Variants in CALCOCO1 observed in about 807,000 individuals in gnomAD.
The protein encoded by CALCOCO1 is calcium-binding and coiled-coil domain-containing protein 1.
A neutral mutation model predicts 86.3 loss-of-function variants in CALCOCO1; 44 were observed. That is an observed-to-expected ratio of 0.51 (90% confidence interval 0.40 to 0.66). CALCOCO1 has a LOEUF of 0.66. CALCOCO1 is among the 30% of genes least tolerant of loss of function. The probability of loss-of-function intolerance (pLI) is 0.00; values close to 1 mark genes in which losing one functional copy is unlikely to be tolerated. For missense variants in CALCOCO1, 708 were observed against 851.1 expected (o/e 0.83, Z 2.09); for synonymous variants, 297 against 327.6 (o/e 0.91, Z 1.01).
intron 14 of CALCOCO1, 106 bp from the exon 15 acceptor site, chr12:53,712,227 C>T: frequency 1.0e-6 from 1 of 991,186 alleles, no homozygotes; most frequent in Non-Finnish European, 1.5e-6. Context: ...CCAGGTTATC[C>T]TGTGCCTAAT....
intron 4 of CALCOCO1, chr12:53,722,888 T>G (rs1279159299): frequency 2.3e-6 from 1 of 427,470 alleles, no homozygotes; most frequent in Non-Finnish European, 4.6e-6. Context: ...AGCTCACACA[T>G]CTTTCACTTA....
intron 11 of CALCOCO1, among the ~76,000 whole-genome samples, 154 bp downstream of exon 11, chr12:53,714,444 G>A (rs2277368): frequency 6.6e-6 from 1 of 151,928 alleles, no homozygotes; most frequent in African/African-American, 2.4e-5. Context: ...GAGATCATCC[G>A]CTGTCCTGCC....
chr12:53,710,667 G>A lies in CALCOCO1; in HGVS notation c.*1277C>T, dbSNP rs1277677535. ...ACAGAAACAGGAGGAATATAAAATC[G>A]CCTTTAGAGGTATGAGGCTTAGGGC... is the stretch of plus-strand genomic sequence containing the variant. On this transcript the variant is annotated 3_prime_UTR_variant, in exon 15 of 15. Coordinates refer to ENST00000550804, the MANE Select transcript of CALCOCO1 (RefSeq NM_020898.3). 6.6e-6 allele frequency: 1 copy of A among 152,238 alleles called. No homozygotes were observed. The allele number at this position is 152,238 out of a possible 1,614,324, so 9.4% of individuals were successfully genotyped here. A position where few individuals can be genotyped will look rare whatever the true frequency, so the allele number is the denominator to read the frequency against.
In CALCOCO1 at chr12:53,711,051, G is replaced by A. The variant is rs1945537398; in HGVS notation, c.*893C>T. Reference sequence around the variant, plus strand: ...CTCCTCCCTCCACCAGGGTCTAAGAGCTGGAGGTCTGGGCCCTGTGTTCCA... The same window carrying A: ...CTCCTCCCTCCACCAGGGTCTAAGAACTGGAGGTCTGGGCCCTGTGTTCCA... On this transcript the variant is annotated 3_prime_UTR_variant, in exon 15 of 15. Transcript: ENST00000550804. The A allele has an allele frequency of 2.7e-6, 1 of 376,956 alleles. No homozygotes were observed. Among genetic ancestry groups the A allele is most frequent in the East Asian group, 3.8e-5 (1 of 26,394 alleles). 23.4% of individuals were successfully genotyped at this position (376,956 alleles called of 1,614,324 possible). A position where few individuals can be genotyped will look rare whatever the true frequency, so the allele number is the denominator to read the frequency against.
chr12:53,724,540 T>C, intron 3 of CALCOCO1, 105 bp downstream of exon 3: 1 of 806,390 alleles, frequency 1.2e-6, no homozygotes, highest in Non-Finnish European at 2.1e-6. Flanking sequence ...CGTTTATTTT[T>C]CCTTGTCCTT....
At chr12:53,721,001 T>C (rs930092000) in intron 6 of CALCOCO1, among the ~76,000 whole-genome samples, 38 of 152,202 alleles carry the variant, frequency 2.5e-4, no homozygotes, top group African/African-American at 8.9e-4. Context: ...CTCATACATA[T>C]CTTACAATCC....
Position 53,709,546 on chromosome 12 carries a change from G to C in CALCOCO1, c.*2398C>G, listed in dbSNP as rs2120507185. 1 of 152,572 alleles carries C rather than the reference G, an allele frequency of 6.6e-6. No homozygotes were observed. Among genetic ancestry groups the C allele is most frequent in the South Asian group, 2.1e-4 (1 of 4,838 alleles). The allele number at this position is 152,572 out of a possible 1,614,324, so 9.5% of individuals were successfully genotyped here. A position where few individuals can be genotyped will look rare whatever the true frequency, so the allele number is the denominator to read the frequency against. ...TGGGGGGTTGGGGGGCTTCATGGAGGAGGGGAGTATGAAGCAGATTCGGGA... is the reference window on the plus strand; with the variant it reads ...TGGGGGGTTGGGGGGCTTCATGGAGCAGGGGAGTATGAAGCAGATTCGGGA... On this transcript the variant is annotated 3_prime_UTR_variant, in exon 15 of 15. Coordinates refer to ENST00000550804, the MANE Select transcript of CALCOCO1 (RefSeq NM_020898.3).
intron 12 of CALCOCO1, 71 bp downstream of exon 12, chr12:53,714,062 T>C (rs1239056393): frequency 7.1e-7 from 1 of 1,407,286 alleles, no homozygotes; most frequent in Non-Finnish European, 1.0e-6. Flanking sequence ...CCAGCAAGGT[T>C]ACATGGAGCC....
intron 7 of CALCOCO1, 58 bp downstream of exon 7, chr12:53,719,681 G>A: frequency 8.3e-7 from 1 of 1,211,412 alleles, no homozygotes; most frequent in Non-Finnish European, 1.2e-6. Context: ...TGGCTCTCGA[G>A]AGGGAATCAA....
chr12:53,714,443 CG>C (rs1945670454), intron 11 of CALCOCO1, among the ~76,000 whole-genome samples, 154 bp downstream of exon 11: 1 of 152,206 alleles, frequency 6.6e-6, no homozygotes, highest in Non-Finnish European at 1.5e-5. Context: ...AGAGATCATC[CG>C]CTGTCCTGCC....
chr12:53,713,020 G>A, intron 14 of CALCOCO1, 80 bp downstream of exon 14: 1 of 1,378,402 alleles, frequency 7.3e-7, no homozygotes, highest in Non-Finnish European at 1.0e-6. Flanking sequence ...TTGGGAGCAG[G>A]GCCTGGTGAC....
chr12:53,711,652 C>G lies in CALCOCO1; in HGVS notation c.*292G>C, dbSNP rs1229221621. ...CAACCAGGGCTAGGAGTGGACGATT[C>G]TATTCCCACAGGGGAAGGCCTCCTC... On this transcript the variant is annotated 3_prime_UTR_variant, in exon 15 of 15. Transcript: ENST00000550804. The G allele has an allele frequency of 2.9e-6, 1 of 339,290 alleles. No individual in the cohort carries two copies. The highest frequency in any genetic ancestry group is 5.3e-6 in the Non-Finnish European group (1 of 187,964). The allele number at this position is 339,290 out of a possible 1,614,324, so 21.0% of individuals were successfully genotyped here.
At chr12:53,721,849 C>T (rs1022722491) in intron 5 of CALCOCO1, 176 bp downstream of exon 5, 2 of 826,378 alleles carry the variant, frequency 2.4e-6, no homozygotes, top group South Asian at 1.6e-5. Flanking sequence ...ACGTTTGGAA[C>T]ATGTCTCTTG....
chr12:53,715,662 C>T, intron 9 of CALCOCO1, 131 bp downstream of exon 9: 1 of 1,261,596 alleles, frequency 7.9e-7, no homozygotes, highest in South Asian at 1.4e-5. Context: ...CCTCAAAGCC[C>T]CTCTCCACCC....
Position 53,721,475 on chromosome 12 carries a change from C to CTCCA in CALCOCO1, c.746_749dup (p.Glu250AspfsTer7). 2 of 1,610,616 alleles carry CTCCA rather than the reference C, an allele frequency of 1.2e-6. No individual in the cohort carries two copies. The highest frequency in any genetic ancestry group is 1.7e-6 in the Non-Finnish European group (2 of 1,178,886). ...CAGTGGACTCCCCTCACCTGTCCAG[C>CTCCA]TCCACTTCCTTCGTCAGCACTTTCT... On this transcript the variant is annotated frameshift_variant, in exon 6 of 15. Coordinates refer to ENST00000550804, the MANE Select transcript of CALCOCO1 (RefSeq NM_020898.3). LOFTEE classifies it high-confidence loss of function.
At chr12:53,714,841 C>G in intron 10 of CALCOCO1, 148 bp from the exon 11 acceptor site, 2 of 629,244 alleles carry the variant, frequency 3.2e-6, no homozygotes, top group Non-Finnish European at 5.6e-6. Context: ...GAATTCCCAA[C>G]ACTTCCTCCA....
chr12:53,720,140 G>A (rs941188), intron 6 of CALCOCO1, among the ~76,000 whole-genome samples: 23,624 of 152,048 alleles, frequency 0.16, 1,944 homozygotes, highest in East Asian at 0.32. Context: ...TTGAGACAAG[G>A]GCAGTCATTA....
At chr12:53,716,569 C>G (rs1945733447) in intron 7 of CALCOCO1, among the ~76,000 whole-genome samples, 154 bp from the exon 8 acceptor site, 1 of 152,196 alleles carries the variant, frequency 6.6e-6, no homozygotes, top group African/African-American at 2.4e-5. Flanking sequence ...GGGTTCTCAG[C>G]TCAAATAACT....
In CALCOCO1 at chr12:53,725,133, G is replaced by C. The variant is rs1448153793; in HGVS notation, c.110C>G (p.Pro37Arg). The C allele has an allele frequency of 6.2e-7, 1 of 1,612,630 alleles. No homozygotes were observed. Among genetic ancestry groups the C allele is most frequent in the African/African-American group, 1.3e-5 (1 of 74,846 alleles). ...ACTGGCACTGGGCATGGTGCCTGGG[G>C]GAAGGGTGTAGTGACATTCCACCTT... ...NTKVECHYTL[P>R]PGTMPSASDW... The change falls in exon 2 of 15, where the codon CCC (proline) becomes CGC (arginine). Residue 37 changes from proline (P) to arginine (R), a missense_variant. Coordinates refer to ENST00000550804, the MANE Select transcript of CALCOCO1 (RefSeq NM_020898.3).
Sources: gnomAD v4.1 joint callset for allele counts (sites outside exome capture counted in the v4.1 genomes callset) on GRCh38, gnomAD v4.1.1 for gene constraint, MANE v1.5 for transcripts, NCBI Gene and HGNC (gene_info 2026-07-23, HGNC 2026-07-21) for gene names.